The following SRGAP3 variants were observed in gnomAD, a reference collection of about 807,000 sequenced individuals.
The protein encoded by SRGAP3 is SLIT-ROBO Rho GTPase activating protein 3.
Under a neutral mutation model 121.1 loss-of-function variants are expected in SRGAP3, and 39 were observed. The ratio of observed to expected loss-of-function variants is 0.32; its 90% CI spans 0.25 to 0.42. The LOEUF (loss-of-function observed/expected upper bound fraction) is 0.42, where lower values mean the gene tolerates loss of function less well. SRGAP3 is among the 10% of genes least tolerant of loss of function. The pLI, the probability that SRGAP3 is intolerant of heterozygous loss-of-function variation, is 1.00. For missense variants in SRGAP3, 1,213 were observed against 1,470.6 expected (o/e 0.82, Z 2.86); for synonymous variants, 601 against 570.0 (o/e 1.05, Z -0.77).
intron 3 of SRGAP3, among the ~76,000 whole-genome samples, chr3:9,266,907 G>A (rs535735746): frequency 2.6e-5 from 4 of 152,180 alleles, no homozygotes; most frequent in Middle Eastern, 3.4e-3. Context: ...GAATCGCTTT[G>A]TCTATTCCTC....
chr3:9,093,444 T>G (rs1947836053), intron 3 of SRGAP3, among the ~76,000 whole-genome samples: 1 of 152,102 alleles, frequency 6.6e-6, no homozygotes, highest in Admixed American at 6.5e-5. Flanking sequence ...AACCTACCCA[T>G]GCATTCATCC....
rs1952697743 is a variant in SRGAP3, at chr3:9,218,255, C to T, written c.67+30630G>A. The stretch of plus-strand genomic sequence containing the variant: ...GGGCCAGCCAGATTGGTCAAATCCA[C>T]CCTAGAAATGAATTAGGGAGAAGAG... On this transcript the variant is annotated intron_variant, in intron 1 of 21. Transcript: ENST00000383836. The surrounding 1 kb of genome is among the most constrained non-coding windows in gnomAD (Gnocchi z 5.3). 2 of 152,158 alleles carry T rather than the reference C, an allele frequency of 1.3e-5. No homozygotes were observed. The highest frequency in any genetic ancestry group is 2.4e-5 in the African/African-American group (1 of 41,436). 9.4% of individuals were successfully genotyped at this position (152,158 alleles called of 1,614,324 possible).
At chr3:9,013,961 G>A in intron 15 of SRGAP3, 119 bp from the exon 16 acceptor site, 1 of 877,914 alleles carries the variant, frequency 1.1e-6, no homozygotes, top group Non-Finnish European at 1.9e-6. Flanking sequence ...CTCTACTCTT[G>A]ATTCCAGGGA....
chr3:9,199,962 C>A (rs1344542683), intron 1 of SRGAP3, among the ~76,000 whole-genome samples: 3 of 152,174 alleles, frequency 2.0e-5, no homozygotes, highest in South Asian at 2.1e-4. Context: ...AGAAAAAAAT[C>A]AAGCCTTCAG....
intron 18 of SRGAP3, among the ~76,000 whole-genome samples, chr3:9,006,411 AAAAG>A (rs1943081669): frequency 2.0e-5 from 3 of 149,342 alleles, no homozygotes; most frequent in Admixed American, 1.3e-4. Context: ...AAAAAAAAAA[AAAAG>A]AAAAGAAAAG....
At chr3:9,293,429 T>G (rs1009108321) in intron 3 of SRGAP3, 4 of 152,230 alleles carry the variant, frequency 2.6e-5, no homozygotes, top group Admixed American at 6.5e-5. Flanking sequence ...CAGAAATATC[T>G]GTCTTCCTCG....
chr3:9,149,632 C>A (rs565250353), intron 1 of SRGAP3, among the ~76,000 whole-genome samples: 1 of 152,214 alleles, frequency 6.6e-6, no homozygotes, highest in Non-Finnish European at 1.5e-5. Context: ...CATGTCTGGG[C>A]TGGCCTGCAG....
At chr3:9,245,312 C>G (rs1033575391) in intron 1 of SRGAP3, among the ~76,000 whole-genome samples, 1 of 152,180 alleles carries the variant, frequency 6.6e-6, no homozygotes, top group East Asian at 1.9e-4. Context: ...ACTGCCTGCA[C>G]TGAGGTGGTA....
chr3:9,033,224 T>A (rs1347120044), intron 11 of SRGAP3, among the ~76,000 whole-genome samples: 1 of 152,238 alleles, frequency 6.6e-6, no homozygotes, highest in Admixed American at 6.5e-5. Context: ...ATCTTCCTAA[T>A]GCCTCTTGGC....
At chr3:9,144,788 A>C (rs1949970429) in intron 1 of SRGAP3, among the ~76,000 whole-genome samples, 1 of 152,224 alleles carries the variant, frequency 6.6e-6, no homozygotes, top group Admixed American at 6.5e-5. Flanking sequence ...AGCAGCGTGA[A>C]AACAGACTAA....
chr3:9,360,135 T>C (rs1305408994), intron 1 of SRGAP3, among the ~76,000 whole-genome samples: 1 of 152,130 alleles, frequency 6.6e-6, no homozygotes, highest in Admixed American at 6.5e-5. Context: ...CCCTATGTTG[T>C]CCAGGCTGGT....
At chr3:9,227,774 A>G (rs1953042956) in intron 1 of SRGAP3, among the ~76,000 whole-genome samples, 1 of 152,244 alleles carries the variant, frequency 6.6e-6, no homozygotes, top group South Asian at 2.1e-4. Flanking sequence ...TAGCACCTGA[A>G]TGCCCCTCCC....
At chr3:9,161,905 T>TAA (rs1373411200) in intron 1 of SRGAP3, among the ~76,000 whole-genome samples, 4 of 151,764 alleles carry the variant, frequency 2.6e-5, no homozygotes, top group Non-Finnish European at 5.9e-5. Flanking sequence ...AGCCAAAAGG[T>TAA]AGAAGCAATC....
At chr3:9,355,271 T>C (rs1218376774) in intron 1 of SRGAP3, among the ~76,000 whole-genome samples, 2 of 152,236 alleles carry the variant, frequency 1.3e-5, no homozygotes, top group Non-Finnish European at 2.9e-5. Flanking sequence ...GTTTGAGATA[T>C]CATCATCTCT....
chr3:9,000,864 G>A (rs186784048), intron 18 of SRGAP3, among the ~76,000 whole-genome samples: 3 of 152,148 alleles, frequency 2.0e-5, no homozygotes, highest in East Asian at 1.9e-4. Context: ...GAAAGGATCC[G>A]GGAAAGAGAC....
At position 9,249,221 on chromosome 3, in the gene SRGAP3, C is replaced by A; in HGVS notation, c.-270G>T. 2 of 542,078 alleles carry A rather than the reference C, an allele frequency of 3.7e-6. No individual in the cohort carries two copies. Among genetic ancestry groups the A allele is most frequent in the Non-Finnish European group, 6.6e-6 (2 of 301,492 alleles). The allele number at this position is 542,078 out of a possible 1,614,324, so 33.6% of individuals were successfully genotyped here. Reference sequence around the variant, plus strand: ...ATCACCCTAGGAGCACAGTAACCTGCCCCAGATTTTCAAAGATTTTTCTTC... The same window carrying A: ...ATCACCCTAGGAGCACAGTAACCTGACCCAGATTTTCAAAGATTTTTCTTC... On this transcript the variant is annotated 5_prime_UTR_variant, in exon 1 of 22. Coordinates refer to ENST00000383836, the MANE Select transcript of SRGAP3 (RefSeq NM_014850.4).
intron 1 of SRGAP3, among the ~76,000 whole-genome samples, chr3:9,354,499 G>A (rs1335046658): frequency 6.6e-6 from 1 of 152,012 alleles, no homozygotes; most frequent in East Asian, 1.9e-4. Context: ...CTAACACGGT[G>A]AAACCCGGTC....
intron 7 of SRGAP3, among the ~76,000 whole-genome samples, chr3:9,057,173 C>T (rs1367326307): frequency 2.0e-5 from 3 of 152,204 alleles, no homozygotes; most frequent in Non-Finnish European, 4.4e-5. Context: ...AAGTGATCCA[C>T]CCATCTCGGC....
chr3:9,134,681 C>T (rs1309742689), intron 1 of SRGAP3, among the ~76,000 whole-genome samples: 1 of 152,084 alleles, frequency 6.6e-6, no homozygotes, highest in Non-Finnish European at 1.5e-5. Flanking sequence ...AGTCCTGCTG[C>T]CTCCTCTTTC....
Sources: gnomAD v4.1 joint callset for allele counts (sites outside exome capture counted in the v4.1 genomes callset) on GRCh38, gnomAD v4.1.1 for gene constraint, Gnocchi (gnomAD v3.1) non-coding constraint, MANE v1.5 for transcripts, NCBI Gene and HGNC (gene_info 2026-07-23, HGNC 2026-07-21) for gene names.